PDIA5: variants seen among roughly 807,000 people sequenced by gnomAD.
PDIA5 encodes protein disulfide-isomerase A5.
PDIA5 carries 58 observed loss-of-function variants against 77.6 expected under a neutral mutation model. The ratio of observed to expected loss-of-function variants is 0.75; its 90% CI spans 0.61 to 0.93. The LOEUF (loss-of-function observed/expected upper bound fraction) is 0.93, where lower values mean the gene tolerates loss of function less well. Ranked by LOEUF, PDIA5 falls within the 40% of genes least tolerant of loss-of-function variation. PDIA5 has a pLI of 0.00. For synonymous variants in PDIA5, 250 were observed against 252.1 expected (o/e 0.99, Z 0.08); for missense variants, 630 against 647.7 (o/e 0.97, Z 0.30).
chr3:123,128,888 A>G (rs535043159), intron 10 of PDIA5, among the ~76,000 whole-genome samples: 9 of 152,314 alleles, frequency 5.9e-5, no homozygotes, highest in African/African-American at 2.2e-4. Flanking sequence ...AATGTGAATA[A>G]GTATATTTTA....
At chr3:123,073,744 C>T (rs1933783870) in intron 1 of PDIA5, among the ~76,000 whole-genome samples, 1 of 152,216 alleles carries the variant, frequency 6.6e-6, no homozygotes, top group African/African-American at 2.4e-5. Context: ...TCAGAGTTTC[C>T]AGCTCACTAG....
At chr3:123,143,106 G>C (rs1935679780) in intron 11 of PDIA5, among the ~76,000 whole-genome samples, 1 of 152,130 alleles carries the variant, frequency 6.6e-6, no homozygotes. Flanking sequence ...ACCATCTGGG[G>C]CTGGGCATGG....
At chr3:123,159,518 G>A (rs1936104041) in intron 15 of PDIA5, among the ~76,000 whole-genome samples, 1 of 152,248 alleles carries the variant, frequency 6.6e-6, no homozygotes, top group South Asian at 2.1e-4. Flanking sequence ...TGAGACTGCA[G>A]GGTAAGTGCC....
At chr3:123,116,029 A>C (rs534775641) in intron 7 of PDIA5, among the ~76,000 whole-genome samples, 1 of 152,334 alleles carries the variant, frequency 6.6e-6, no homozygotes, top group Non-Finnish European at 1.5e-5. Context: ...CTTGTTTTGC[A>C]CCACTGATAC....
At chr3:123,089,421 C>T (rs1035801633) in intron 2 of PDIA5, 127 bp downstream of exon 2, 2 of 830,278 alleles carry the variant, frequency 2.4e-6, no homozygotes, top group Admixed American at 4.6e-5. Flanking sequence ...TGGGGTTTGT[C>T]ACCTTTCCTC....
chr3:123,090,038 G>A (rs1373154133), intron 2 of PDIA5, among the ~76,000 whole-genome samples: 1 of 152,222 alleles, frequency 6.6e-6, no homozygotes, highest in Non-Finnish European at 1.5e-5. Flanking sequence ...CCCTGGAGAA[G>A]CAGCAGCCAG....
chr3:123,139,389 C>T (rs1422624523), intron 11 of PDIA5, among the ~76,000 whole-genome samples: 2 of 152,198 alleles, frequency 1.3e-5, no homozygotes, highest in African/African-American at 2.4e-5. Flanking sequence ...GACCTTTCTC[C>T]TCCTCTGGGC....
chr3:123,132,673 A>G (rs1576457183), intron 11 of PDIA5, among the ~76,000 whole-genome samples: 1 of 152,136 alleles, frequency 6.6e-6, no homozygotes, highest in African/African-American at 2.4e-5. Flanking sequence ...GCTATAAAAT[A>G]CACTCCCTGG....
At chr3:123,124,372 C>A (rs765536181) in intron 10 of PDIA5, 29 bp downstream of exon 10, 1 of 1,539,084 alleles carries the variant, frequency 6.5e-7, no homozygotes, top group Non-Finnish European at 9.0e-7. Context: ...TGTCAGTGGG[C>A]GTGGACCCAG....
intron 3 of PDIA5, among the ~76,000 whole-genome samples, chr3:123,098,117 G>A (rs1576441432): frequency 6.6e-6 from 1 of 152,148 alleles, no homozygotes. Context: ...AGGATATAAG[G>A]CAGCCTGTCT....
At chr3:123,135,745 C>CTTTTTTTT (rs766560888) in intron 11 of PDIA5, among the ~76,000 whole-genome samples, 4 of 80,460 alleles carry the variant, frequency 5.0e-5, no homozygotes, top group Non-Finnish European at 6.6e-5. Context: ...GAGGTAACAA[C>CTTTTTTTT]TTTTTTTTTT....
chr3:123,117,560 A>G lies in PDIA5; in HGVS notation c.609+1262A>G, dbSNP rs189690667. 4.0e-5 allele frequency among the ~76,000 whole-genome samples: 6 copies of G among 151,520 alleles called. No homozygotes were observed. The East Asian group carries it at 7.8e-4, about 20-fold the overall frequency. On this transcript the variant is annotated intron_variant, in intron 8 of 16. Coordinates refer to ENST00000316218, the MANE Select transcript of PDIA5 (RefSeq NM_006810.4). The stretch of plus-strand genomic sequence containing the variant: ...ATTTTGACTATTTTAAGTTACTCCT[A>G]TGAGTGGAATCTATAGTATTTGTCC...
intron 1 of PDIA5, chr3:123,067,602 T>C (rs1358194201): frequency 3.7e-5 from 8 of 214,062 alleles, no homozygotes; most frequent in African/African-American, 1.4e-4. Context: ...ATGGGGGTGC[T>C]TACTACCTGC....
Position 123,115,777 on chromosome 3 carries a change from C to T in PDIA5, c.542-454C>T, listed in dbSNP as rs145068321. On this transcript the variant is annotated intron_variant, in intron 7 of 16. Transcript: ENST00000316218. ...TGGACATCCCAAAAGTGATCGTATT[C>T]GTGGTCACACATTTTTCTTCATAAT... Among the ~76,000 whole-genome samples the T allele has an allele frequency of 5.3e-5, 8 of 152,352 alleles. No individual in the cohort carries two copies. In the East Asian group the frequency reaches 9.6e-4, roughly 18 times the overall value.
chr3:123,098,804 C>A (rs1309307184), intron 3 of PDIA5, among the ~76,000 whole-genome samples: 1 of 152,154 alleles, frequency 6.6e-6, no homozygotes, highest in Non-Finnish European at 1.5e-5. Context: ...TCTCCATGAC[C>A]CATGGTGCAT....
intron 15 of PDIA5, among the ~76,000 whole-genome samples, chr3:123,156,570 C>T (rs1319152356): frequency 6.6e-6 from 1 of 152,206 alleles, no homozygotes; most frequent in Non-Finnish European, 1.5e-5. Flanking sequence ...GAATAGCTGC[C>T]ACTCTGTATT....
intron 1 of PDIA5, among the ~76,000 whole-genome samples, chr3:123,086,623 C>A (rs1162926141): frequency 6.6e-6 from 1 of 152,194 alleles, no homozygotes; most frequent in Non-Finnish European, 1.5e-5. Flanking sequence ...TCCATGAGCT[C>A]CGTCGTTGCT....
intron 3 of PDIA5, among the ~76,000 whole-genome samples, chr3:123,096,333 C>T (rs966804887): frequency 6.4e-5 from 9 of 141,070 alleles, no homozygotes; most frequent in South Asian, 2.2e-4. Context: ...CCAGTAGGCG[C>T]GTACCACCAC....
chr3:123,141,408 T>C (rs921642680), intron 11 of PDIA5, among the ~76,000 whole-genome samples: 8 of 152,202 alleles, frequency 5.3e-5, no homozygotes, highest in Non-Finnish European at 8.8e-5. Context: ...GCTGCTGGGC[T>C]GAGTCAGTCT....
Sources: gnomAD v4.1 joint callset for allele counts (sites outside exome capture counted in the v4.1 genomes callset) on GRCh38, gnomAD v4.1.1 for gene constraint, MANE v1.5 for transcripts, NCBI Gene and HGNC (gene_info 2026-07-23, HGNC 2026-07-21) for gene names.